COLEC12: variants seen among roughly 807,000 people sequenced by gnomAD.
COLEC12 encodes collectin-12.
In COLEC12, 33 loss-of-function variants were observed where a neutral mutation model predicts 71.1. That is an observed-to-expected ratio of 0.46 (90% confidence interval 0.35 to 0.62). COLEC12 has a LOEUF of 0.62. Ranked by LOEUF, COLEC12 falls within the 20% of genes least tolerant of loss-of-function variation. The probability of loss-of-function intolerance (pLI) is 0.00; values close to 1 mark genes in which losing one functional copy is unlikely to be tolerated. For synonymous variants in COLEC12, 350 were observed against 353.0 expected (o/e 0.99, Z 0.10); for missense variants, 765 against 916.1 (o/e 0.84, Z 2.13).
chr18:442,979 A>C (rs1215152382), intron 2 of COLEC12, among the ~76,000 whole-genome samples: 5 of 152,156 alleles, frequency 3.3e-5, no homozygotes, highest in Non-Finnish European at 1.5e-5. Context: ...AAATAAAATA[A>C]AATAAAAGCT....
intron 2 of COLEC12, among the ~76,000 whole-genome samples, chr18:397,115 C>T (rs1915588183): frequency 6.6e-6 from 1 of 152,200 alleles, no homozygotes; most frequent in African/African-American, 2.4e-5. Context: ...TATAGAAAGA[C>T]AAGGAGATTT....
At chr18:339,645 G>A (rs1399293246) in intron 5 of COLEC12, among the ~76,000 whole-genome samples, 9 of 152,192 alleles carry the variant, frequency 5.9e-5, no homozygotes, top group African/African-American at 1.9e-4. Context: ...CAAGCCCACT[G>A]TGATTGGTGT....
intron 2 of COLEC12, among the ~76,000 whole-genome samples, chr18:400,917 C>G (rs563500183): frequency 8.6e-5 from 13 of 152,032 alleles, no homozygotes. Context: ...ACCTTCTTTC[C>G]CTGAATTTTG....
chr18:426,674 T>A (rs1916205531), intron 2 of COLEC12, among the ~76,000 whole-genome samples: 1 of 152,162 alleles, frequency 6.6e-6, no homozygotes, highest in South Asian at 2.1e-4. Flanking sequence ...TAGGTATGAG[T>A]CATGATTTTA....
intron 5 of COLEC12, among the ~76,000 whole-genome samples, chr18:342,297 T>C (rs189997210): frequency 5.6e-4 from 86 of 152,310 alleles, no homozygotes; most frequent in Non-Finnish European, 1.1e-3. Flanking sequence ...AAAAATAAGG[T>C]TTTCTTAACA....
At chr18:478,955 A>G (rs1917356834) in intron 2 of COLEC12, among the ~76,000 whole-genome samples, 1 of 139,410 alleles carries the variant, frequency 7.2e-6, no homozygotes, top group Admixed American at 7.4e-5. Context: ...CAACCCATCC[A>G]ACTGGTAATA....
chr18:404,778 G>A (rs547700760), intron 2 of COLEC12, among the ~76,000 whole-genome samples: 24 of 152,214 alleles, frequency 1.6e-4, no homozygotes, highest in African/African-American at 5.3e-4. Context: ...TGTAAAACAC[G>A]TATGTTTGAA....
At chr18:429,816 A>C (rs148746158) in intron 2 of COLEC12, among the ~76,000 whole-genome samples, 491 of 152,258 alleles carry the variant, frequency 3.2e-3, no homozygotes, top group Non-Finnish European at 5.8e-3. Flanking sequence ...CAGCCCTATG[A>C]TCGTAAAGAT....
rs150754907 is a variant in COLEC12 at position 469,187 on chromosome 18, C to T, written c.58+11520G>A. Among the ~76,000 whole-genome samples the T allele has an allele frequency of 1.3e-3, 201 of 152,310 alleles. 1 individual carries two copies. Among genetic ancestry groups the T allele is most frequent in the Non-Finnish European group, 2.2e-3 (151 of 68,030 alleles). On this transcript the variant is annotated intron_variant, in intron 2 of 9. Coordinates refer to ENST00000400256, the MANE Select transcript of COLEC12 (RefSeq NM_130386.3). The stretch of plus-strand genomic sequence containing the variant: ...AGAGGTGGGGGCAGAGGGGCGTTCC[C>T]GACCTTATTTGGAAACCATTGAAGC...
chr18:466,263 A>T (rs1239587844), intron 2 of COLEC12, among the ~76,000 whole-genome samples: 3 of 152,026 alleles, frequency 2.0e-5, no homozygotes, highest in Non-Finnish European at 4.4e-5. Flanking sequence ...CAAATAAAAA[A>T]TTTTTAAAAA....
At chr18:390,573 C>CA (rs1337026531) in intron 2 of COLEC12, among the ~76,000 whole-genome samples, 1 of 152,058 alleles carries the variant, frequency 6.6e-6, no homozygotes, top group East Asian at 1.9e-4. Context: ...CCAGACTGGC[C>CA]AACAGGGTAA....
chr18:331,550 T>G (rs772681004), intron 8 of COLEC12, 118 bp downstream of exon 8: 2 of 590,688 alleles, frequency 3.4e-6, no homozygotes, highest in Non-Finnish European at 6.0e-6. Flanking sequence ...GAGCCCCGGT[T>G]TGGGAGGAGC....
At chr18:368,644 C>G (rs1004445115) in intron 2 of COLEC12, among the ~76,000 whole-genome samples, 1 of 151,966 alleles carries the variant, frequency 6.6e-6, no homozygotes, top group Non-Finnish European at 1.5e-5. Flanking sequence ...GTGGGCGGAT[C>G]ATGAGGTCAG....
intron 1 of COLEC12, among the ~76,000 whole-genome samples, chr18:489,827 T>A (rs935210871): frequency 6.6e-6 from 1 of 151,794 alleles, no homozygotes. Context: ...AGGTAAAAGG[T>A]GAAAGAGAAC....
At chr18:363,950 CT>C (rs1914802046) in intron 2 of COLEC12, among the ~76,000 whole-genome samples, 1 of 152,178 alleles carries the variant, frequency 6.6e-6, no homozygotes, top group Non-Finnish European at 1.5e-5. Context: ...AATGAAATCA[CT>C]TTCTGTGCAA....
At chr18:451,447 G>T (rs1916758623) in intron 2 of COLEC12, among the ~76,000 whole-genome samples, 1 of 152,146 alleles carries the variant, frequency 6.6e-6, no homozygotes, top group Non-Finnish European at 1.5e-5. Flanking sequence ...TCATATGCAT[G>T]AGCAAAGAAA....
chr18:462,623 T>C (rs1328173029), intron 2 of COLEC12, among the ~76,000 whole-genome samples: 2 of 152,128 alleles, frequency 1.3e-5, no homozygotes, highest in East Asian at 3.8e-4. Flanking sequence ...ACCTCTGGAT[T>C]TGCAAAAAAC....
chr18:383,779 C>T (rs554961034), intron 2 of COLEC12, among the ~76,000 whole-genome samples: 3 of 152,084 alleles, frequency 2.0e-5, no homozygotes, highest in South Asian at 2.1e-4. Flanking sequence ...CAGACATACC[C>T]GAGACTGGAT....
chr18:444,475 GA>G (rs1916606979), intron 2 of COLEC12, among the ~76,000 whole-genome samples: 1 of 151,994 alleles, frequency 6.6e-6, no homozygotes, highest in African/African-American at 2.4e-5. Context: ...AATAACCATG[GA>G]AATAGAAAAT....
Sources: allele counts gnomAD v4.1 joint callset (sites outside exome capture counted in the v4.1 genomes callset), GRCh38; gene constraint gnomAD v4.1.1; transcripts MANE v1.5; gene names NCBI Gene and HGNC (gene_info 2026-07-23, HGNC 2026-07-21).